PPP2R2B: variants seen among roughly 807,000 people sequenced by gnomAD.
PPP2R2B encodes the protein protein phosphatase 2 regulatory subunit Bbeta.
Under a neutral mutation model 46.0 loss-of-function variants are expected in PPP2R2B, and 5 were observed. The ratio of observed to expected loss-of-function variants is 0.11; its 90% CI spans 0.06 to 0.23. The LOEUF is 0.23. Among genes scored for constraint, PPP2R2B ranks in the 10% least tolerant of loss-of-function variants. PPP2R2B has a pLI of 1.00. For missense variants in PPP2R2B, 367 were observed against 575.0 expected (o/e 0.64, Z 3.70); for synonymous variants, 215 against 206.7 (o/e 1.04, Z -0.34).
intron 9 of PPP2R2B, among the ~76,000 whole-genome samples, chr5:146,590,845 C>T (rs1770570554): frequency 6.6e-6 from 1 of 152,058 alleles, no homozygotes; most frequent in African/African-American, 2.4e-5. Context: ...ATGGTCTTAT[C>T]TAGGAAACAA....
chr5:146,863,676 C>A (rs1364254689), intron 2 of PPP2R2B, among the ~76,000 whole-genome samples: 1 of 151,998 alleles, frequency 6.6e-6, no homozygotes, highest in Non-Finnish European at 1.5e-5. Context: ...ATCCATCCAT[C>A]CATCCATCCT....
At chr5:146,927,007 ACATCTACAGAGAAGCTACTGGT>A (rs1312913577) in intron 1 of PPP2R2B, among the ~76,000 whole-genome samples, 6 of 152,076 alleles carry the variant, frequency 3.9e-5, no homozygotes. Context: ...GTCTCCTTCA[ACATCTACAGAGAAGCTACTGGT>A]CATCATGGCT....
intron 1 of PPP2R2B, among the ~76,000 whole-genome samples, chr5:146,986,548 G>T (rs979447938): frequency 6.6e-6 from 1 of 152,120 alleles, no homozygotes; most frequent in Non-Finnish European, 1.5e-5. Context: ...ATTTATCAGA[G>T]AAATTTATCA....
rs33981708 is a variant in PPP2R2B, at chr5:146,772,383, CATATATATATATATAT to C, written c.71-71257_71-71242del. ...ATTATATATTAGTTAATAACTTGTG[CATATATATATATATAT>C]ATATATATATATATATATATATATA... On this transcript the variant is annotated intron_variant, in intron 2 of 9. Transcript: ENST00000394411. 1.4e-3 allele frequency among the ~76,000 whole-genome samples: 191 copies of C among 133,572 alleles called. 1 individual carries two copies. Among genetic ancestry groups the C allele is most frequent in the Middle Eastern group, 3.8e-3 (1 of 260 alleles). 87.6% of individuals were successfully genotyped at this position (133,572 alleles called of 152,430 possible).
At chr5:146,650,287 C>T (rs921528647) in intron 6 of PPP2R2B, among the ~76,000 whole-genome samples, 1 of 152,124 alleles carries the variant, frequency 6.6e-6, no homozygotes, top group African/African-American at 2.4e-5. Flanking sequence ...TAATTCGTGA[C>T]ATATAAATGC....
At chr5:147,062,542 A>T (rs1193217624) in intron 2 of PPP2R2B, among the ~76,000 whole-genome samples, 1 of 152,160 alleles carries the variant, frequency 6.6e-6, no homozygotes, top group Admixed American at 6.5e-5. Flanking sequence ...ACACAGAGAC[A>T]TTAAATAAAG....
chr5:146,856,510 T>C (rs765307943), intron 2 of PPP2R2B: 4 of 1,598,122 alleles, frequency 2.5e-6, no homozygotes, highest in Non-Finnish European at 3.4e-6. Flanking sequence ...TTTATTTCCA[T>C]AGGTGTTTTC....
At chr5:146,845,891 C>T (rs1248368607) in intron 2 of PPP2R2B, among the ~76,000 whole-genome samples, 1 of 152,120 alleles carries the variant, frequency 6.6e-6, no homozygotes, top group African/African-American at 2.4e-5. Flanking sequence ...CTGTACTGTG[C>T]AACACAGTAG....
intron 2 of PPP2R2B, among the ~76,000 whole-genome samples, chr5:146,817,591 G>T (rs1485593767): frequency 6.6e-6 from 1 of 152,074 alleles, no homozygotes; most frequent in Non-Finnish European, 1.5e-5. Flanking sequence ...ATTTGAAAAG[G>T]CTCCAATTTG....
chr5:146,932,885 C>T (rs369232750), intron 1 of PPP2R2B, among the ~76,000 whole-genome samples: 4 of 152,146 alleles, frequency 2.6e-5, no homozygotes, highest in African/African-American at 9.6e-5. Context: ...AGAAGACTTC[C>T]TTGAGCAAGG....
At chr5:146,921,181 AC>A (rs1763592031) in intron 1 of PPP2R2B, among the ~76,000 whole-genome samples, 1 of 152,058 alleles carries the variant, frequency 6.6e-6, no homozygotes, top group Admixed American at 6.6e-5. Context: ...ATTTTGAAAA[AC>A]CCCATAAAGT....
chr5:146,839,856 A>G (rs1292795795), intron 2 of PPP2R2B, among the ~76,000 whole-genome samples: 1 of 152,234 alleles, frequency 6.6e-6, no homozygotes, highest in East Asian at 1.9e-4. Context: ...CACCATTTCT[A>G]CAATTTTATT....
At chr5:146,854,678 G>A (rs986766734) in intron 2 of PPP2R2B, among the ~76,000 whole-genome samples, 5 of 152,082 alleles carry the variant, frequency 3.3e-5, no homozygotes, top group African/African-American at 1.2e-4. Context: ...ACACAAGCAC[G>A]TGTGTATAGA....
chr5:146,695,482 A>G (rs758075424), intron 4 of PPP2R2B, among the ~76,000 whole-genome samples: 1 of 152,178 alleles, frequency 6.6e-6, no homozygotes, highest in African/African-American at 2.4e-5. Context: ...TAAGTTTGAA[A>G]ATATATTCTA....
intron 1 of PPP2R2B, among the ~76,000 whole-genome samples, chr5:147,052,586 C>A (rs1402107757): frequency 1.3e-5 from 2 of 152,002 alleles, no homozygotes; most frequent in Non-Finnish European, 2.9e-5. Context: ...GGCAATGGGG[C>A]AGAAGGAAAA....
chr5:146,971,933 A>AT (rs1752680406), intron 1 of PPP2R2B, among the ~76,000 whole-genome samples: 1 of 152,202 alleles, frequency 6.6e-6, no homozygotes, highest in Non-Finnish European at 1.5e-5. Context: ...ACACTCATCA[A>AT]AACTAAGCAA....
intron 1 of PPP2R2B, among the ~76,000 whole-genome samples, chr5:146,992,419 A>G (rs1753733875): frequency 6.6e-6 from 1 of 152,210 alleles, no homozygotes; most frequent in Admixed American, 6.5e-5. Context: ...CTGATGCAAA[A>G]TCCATTGTCA....
At chr5:146,706,569 A>G (rs566658395) in intron 2 of PPP2R2B, 5 of 920,480 alleles carry the variant, frequency 5.4e-6, no homozygotes, top group South Asian at 3.9e-5. Flanking sequence ...CAGCTCGGAC[A>G]GCTTAGCGTT....
At chr5:146,839,626 T>C (rs1410689611) in intron 2 of PPP2R2B, among the ~76,000 whole-genome samples, 1 of 152,244 alleles carries the variant, frequency 6.6e-6, no homozygotes, top group African/African-American at 2.4e-5. Flanking sequence ...TAAAATTTAA[T>C]ATTATCTCAT....
Sources: gnomAD v4.1 joint callset for allele counts (sites outside exome capture counted in the v4.1 genomes callset) on GRCh38, gnomAD v4.1.1 for gene constraint, MANE v1.5 for transcripts, NCBI Gene and HGNC (gene_info 2026-07-23, HGNC 2026-07-21) for gene names.